CLSTN2: variants seen among roughly 807,000 people sequenced by gnomAD.
CLSTN2 encodes the protein calsyntenin 2.
In CLSTN2, 48 loss-of-function variants were observed where a neutral mutation model predicts 101.2. That is an observed-to-expected ratio of 0.47 (90% confidence interval 0.38 to 0.60). The LOEUF (loss-of-function observed/expected upper bound fraction) is 0.60. CLSTN2 is among the 20% of genes least tolerant of loss of function. The probability of loss-of-function intolerance (pLI) is 0.00; values close to 1 mark genes in which losing one functional copy is unlikely to be tolerated. For synonymous variants in CLSTN2, 481 were observed against 463.6 expected (o/e 1.04, Z -0.48); for missense variants, 1,160 against 1,238.2 (o/e 0.94, Z 0.95).
intron 8 of CLSTN2, among the ~76,000 whole-genome samples, chr3:140,480,981 T>G (rs933815460): frequency 2.0e-5 from 3 of 152,240 alleles, no homozygotes; most frequent in African/African-American, 7.2e-5. Flanking sequence ...TTGGCTTTTG[T>G]TGCCATTGCT....
At chr3:140,340,273 T>G (rs1387631918) in intron 2 of CLSTN2, among the ~76,000 whole-genome samples, 1 of 152,254 alleles carries the variant, frequency 6.6e-6, no homozygotes, top group African/African-American at 2.4e-5. Context: ...TTCGTACATA[T>G]ACATCACCTT....
chr3:140,053,308 T>C (rs1277111785), intron 1 of CLSTN2, among the ~76,000 whole-genome samples: 4 of 152,186 alleles, frequency 2.6e-5, no homozygotes, highest in African/African-American at 9.7e-5. Context: ...GATGATGTAA[T>C]TGAATTTGTA....
chr3:140,540,407 G>A (rs1935452281), intron 9 of CLSTN2, among the ~76,000 whole-genome samples: 1 of 152,174 alleles, frequency 6.6e-6, no homozygotes, highest in Non-Finnish European at 1.5e-5. Flanking sequence ...GGGATTGTGT[G>A]GACCGAGTTT....
At chr3:140,305,944 C>T (rs972598055) in intron 2 of CLSTN2, among the ~76,000 whole-genome samples, 5 of 151,984 alleles carry the variant, frequency 3.3e-5, no homozygotes, top group African/African-American at 1.2e-4. Context: ...ACATGTGTTA[C>T]TTTTATAATC....
At chr3:140,342,354 G>C (rs146071036) in intron 2 of CLSTN2, among the ~76,000 whole-genome samples, 1 of 151,974 alleles carries the variant, frequency 6.6e-6, no homozygotes, top group East Asian at 1.9e-4. Flanking sequence ...GGACAAAATC[G>C]CTCTCACTTG....
intron 1 of CLSTN2, among the ~76,000 whole-genome samples, chr3:140,062,239 G>T (rs566394765): frequency 1.0e-3 from 159 of 152,278 alleles, no homozygotes; most frequent in Non-Finnish European, 1.4e-3. Flanking sequence ...CTTCTGAGAA[G>T]CACCTCTTTC....
chr3:140,242,315 T>C (rs2086477633), intron 2 of CLSTN2, among the ~76,000 whole-genome samples: 1 of 152,192 alleles, frequency 6.6e-6, no homozygotes, highest in South Asian at 2.1e-4. Flanking sequence ...CATTGTTAAA[T>C]ACATCCCCAA....
intron 1 of CLSTN2, among the ~76,000 whole-genome samples, chr3:140,023,439 T>A (rs1327578405): frequency 6.6e-6 from 1 of 152,080 alleles, no homozygotes; most frequent in Non-Finnish European, 1.5e-5. Flanking sequence ...GAGAACTCGC[T>A]CAACAGTTCA....
At chr3:140,347,707 A>C (rs1342212182) in intron 2 of CLSTN2, among the ~76,000 whole-genome samples, 1 of 152,186 alleles carries the variant, frequency 6.6e-6, no homozygotes, top group Non-Finnish European at 1.5e-5. Context: ...TTCTTTTCAC[A>C]TGAATATTCA....
At chr3:140,396,813 C>T (rs917868451) in intron 2 of CLSTN2, among the ~76,000 whole-genome samples, 3 of 152,166 alleles carry the variant, frequency 2.0e-5, no homozygotes, top group Non-Finnish European at 4.4e-5. Flanking sequence ...GAGCACTCTG[C>T]AAGGTGATGG....
At chr3:140,462,323 C>T (rs1933583376) in intron 7 of CLSTN2, among the ~76,000 whole-genome samples, 1 of 152,156 alleles carries the variant, frequency 6.6e-6, no homozygotes, top group Non-Finnish European at 1.5e-5. Flanking sequence ...TATCATACTT[C>T]ATGTCACTGG....
rs1985672331 is a variant in CLSTN2, at chr3:140,574,594, A to T, written c.*8341A>T. 1 of 152,254 alleles carries T rather than the reference A, an allele frequency of 6.6e-6. No individual in the cohort carries two copies. The highest frequency in any genetic ancestry group is 2.4e-5 in the African/African-American group (1 of 41,468). 9.4% of individuals were successfully genotyped at this position (152,254 alleles called of 1,614,324 possible). ...GGCAACAGACTTGAGAAGAGCCAAA[A>T]TGCAGACAGTGTGTATTAATCACAG... On this transcript the variant is annotated 3_prime_UTR_variant, in exon 17 of 17. Coordinates refer to ENST00000458420, the MANE Select transcript of CLSTN2 (RefSeq NM_022131.3).
chr3:140,377,800 G>A (rs921113701), intron 2 of CLSTN2, among the ~76,000 whole-genome samples: 2 of 152,144 alleles, frequency 1.3e-5, no homozygotes, highest in Non-Finnish European at 2.9e-5. Flanking sequence ...CACATTTAGT[G>A]TAGCCTAAAT....
intron 1 of CLSTN2, among the ~76,000 whole-genome samples, chr3:140,067,892 C>T (rs776516306): frequency 5.3e-5 from 8 of 152,172 alleles, no homozygotes; most frequent in Non-Finnish European, 1.2e-4. Context: ...CATTAGGTTA[C>T]TGTCTCTCTG....
At chr3:140,319,757 AG>A (rs140359911) in intron 2 of CLSTN2, among the ~76,000 whole-genome samples, 3,799 of 152,324 alleles carry the variant, frequency 0.025, 173 homozygotes, top group African/African-American at 0.086. Context: ...TAATAAGCAA[AG>A]GTGCAAACCC....
intron 1 of CLSTN2, among the ~76,000 whole-genome samples, chr3:139,936,115 A>G (rs1935015007): frequency 6.6e-6 from 1 of 152,116 alleles, no homozygotes; most frequent in African/African-American, 2.4e-5. Context: ...GAGGAGCCTA[A>G]CCTGGCACCA....
At chr3:140,250,174 T>C (rs756089338) in intron 2 of CLSTN2, among the ~76,000 whole-genome samples, 5 of 152,196 alleles carry the variant, frequency 3.3e-5, no homozygotes, top group African/African-American at 1.2e-4. Flanking sequence ...GCAACCAAAC[T>C]TTTTGCGCAG....
intron 1 of CLSTN2, among the ~76,000 whole-genome samples, chr3:139,953,779 C>T (rs1246842747): frequency 6.6e-6 from 1 of 152,182 alleles, no homozygotes; most frequent in South Asian, 2.1e-4. Context: ...GCTTTCTTCC[C>T]TTCCTGAGTC....
intron 1 of CLSTN2, among the ~76,000 whole-genome samples, chr3:140,042,884 T>C (rs12107091): frequency 0.12 from 18,057 of 152,228 alleles, 1,410 homozygotes; most frequent in East Asian, 0.22. Context: ...TAGTATTCCA[T>C]AGTGTATATG....
Sources: allele counts gnomAD v4.1 joint callset (sites outside exome capture counted in the v4.1 genomes callset), GRCh38; gene constraint gnomAD v4.1.1; transcripts MANE v1.5; gene names NCBI Gene and HGNC (gene_info 2026-07-23, HGNC 2026-07-21).